Variants in KLHL8 observed in about 807,000 individuals in gnomAD.
KLHL8 encodes kelch-like protein 8.
Under a neutral mutation model 63.5 loss-of-function variants are expected in KLHL8, and 38 were observed. The observed-to-expected ratio is 0.60, with a 90% CI of 0.46 to 0.78. The LOEUF is 0.78. Among genes scored for constraint, KLHL8 ranks in the 30% least tolerant of loss-of-function variants. The pLI is 0.00. For missense variants in KLHL8, 566 were observed against 752.4 expected, an observed-to-expected ratio of 0.75 and a Z score of 2.90; for synonymous variants, 224 against 254.3, an observed-to-expected ratio of 0.88 and a Z score of 1.13.
chr4:87,228,285 T>A (rs564582692), intron 1 of KLHL8, among the ~76,000 whole-genome samples: 66 of 152,314 alleles, frequency 4.3e-4, no homozygotes, highest in Admixed American at 2.0e-3. Flanking sequence ...TTATTGAACC[T>A]ATGGGGGCCA....
At chr4:87,165,920 T>C (rs1370587483) in intron 8 of KLHL8, among the ~76,000 whole-genome samples, 1 of 152,088 alleles carries the variant, frequency 6.6e-6, no homozygotes, top group Non-Finnish European at 1.5e-5. Flanking sequence ...ATTTTTTTAA[T>C]GTTCAACCTG....
At chr4:87,192,124 T>C (rs1394031411) in intron 2 of KLHL8, among the ~76,000 whole-genome samples, 8 of 152,218 alleles carry the variant, frequency 5.3e-5, no homozygotes, top group Non-Finnish European at 1.2e-4. Flanking sequence ...TCTGGGTATA[T>C]ACCCACTAGG....
intron 2 of KLHL8, among the ~76,000 whole-genome samples, chr4:87,186,215 GTTTT>G (rs1578375471): frequency 6.6e-6 from 1 of 151,562 alleles, no homozygotes; most frequent in Non-Finnish European, 1.5e-5. Context: ...ATTTTTGTGG[GTTTT>G]GTTTTTTCAG....
chr4:87,235,936 A>G (rs749764108), intron 1 of KLHL8, among the ~76,000 whole-genome samples: 1 of 152,140 alleles, frequency 6.6e-6, no homozygotes, highest in African/African-American at 2.4e-5. Flanking sequence ...CGAAGGCGCC[A>G]TTGGAAACGT....
chr4:87,190,792 T>C (rs1173625430), intron 2 of KLHL8, among the ~76,000 whole-genome samples: 1 of 152,208 alleles, frequency 6.6e-6, no homozygotes, highest in Non-Finnish European at 1.5e-5. Context: ...CCATGTCTGG[T>C]AAGGACTTGC....
rs1205049174 is a variant in KLHL8, at chr4:87,185,439, A to G, written c.577T>C (p.Cys193Arg). The G allele has an allele frequency of 1.9e-6, 3 of 1,614,202 alleles. No homozygotes were observed. The highest frequency in any genetic ancestry group is 2.5e-6 in the Non-Finnish European group (3 of 1,180,020). Residue 193 changes from cysteine (C) to arginine (R), a missense_variant, in exon 3 of 10, where the codon TGT (cysteine) becomes CGT (arginine). Cys to Arg is a radical substitution (Grantham distance 180, BLOSUM62 -3). Transcript: ENST00000273963. ...DLMDMADQYA[C>R]DHFTEVVECE... ...TCCACTACTTCAGTAAAATGGTCACAGGCATACTGATCCGCCATGTCCATT... is the reference window on the plus strand; with the variant it reads ...TCCACTACTTCAGTAAAATGGTCACGGGCATACTGATCCGCCATGTCCATT...
At chr4:87,170,372 T>G (rs1245166514) in intron 7 of KLHL8, 75 bp downstream of exon 7, 1 of 1,464,312 alleles carries the variant, frequency 6.8e-7, no homozygotes, top group Non-Finnish European at 9.3e-7. Context: ...CTGGTGATGA[T>G]ATATTGGACC....
At chr4:87,197,041 T>TC (rs1731724036) in intron 1 of KLHL8, among the ~76,000 whole-genome samples, 2 of 152,224 alleles carry the variant, frequency 1.3e-5, no homozygotes, top group Non-Finnish European at 2.9e-5. Context: ...ATTGTTAATC[T>TC]CATCATTTCC....
At chr4:87,213,203 G>A (rs1339121391) in intron 1 of KLHL8, among the ~76,000 whole-genome samples, 1 of 152,148 alleles carries the variant, frequency 6.6e-6, no homozygotes, top group Non-Finnish European at 1.5e-5. Context: ...CTAGTATAAA[G>A]TATTAAAAGA....
chr4:87,170,006 A>T (rs1730574702), intron 8 of KLHL8, 73 bp downstream of exon 8: 1 of 1,195,578 alleles, frequency 8.4e-7, no homozygotes, highest in Non-Finnish European at 1.2e-6. Context: ...ATGCAATGTA[A>T]TTTTTGTTAC....
Position 87,170,255 on chromosome 4 carries a change from A to G in KLHL8, c.1378-17T>C. On this transcript the variant is annotated splice_polypyrimidine_tract_variant and intron_variant, in intron 7 of 9. Coordinates refer to ENST00000273963, the MANE Select transcript of KLHL8 (RefSeq NM_020803.5). ...AACATGGTTCTAAATGAAGAGAGTC[A>G]AACAAAACACATTAGATTTCGAATT... The G allele has an allele frequency of 6.3e-7, 1 of 1,597,672 alleles. No homozygotes were observed. Among genetic ancestry groups the G allele is most frequent in the Non-Finnish European group, 8.5e-7 (1 of 1,172,592 alleles).
intron 8 of KLHL8, chr4:87,167,490 T>A: frequency 1.9e-6 from 1 of 530,188 alleles, no homozygotes; most frequent in African/African-American, 1.9e-5. Flanking sequence ...AAGAGGAGGC[T>A]GGGAGCAATT....
At chr4:87,205,412 AAC>A (rs76100807) in intron 1 of KLHL8, among the ~76,000 whole-genome samples, 6,671 of 151,026 alleles carry the variant, frequency 0.044, 183 homozygotes, top group East Asian at 0.12. Context: ...GACTCAAGAA[AAC>A]ACACACACAC....
chr4:87,202,829 T>G (rs569243411), intron 1 of KLHL8, among the ~76,000 whole-genome samples: 1 of 152,262 alleles, frequency 6.6e-6, no homozygotes, highest in South Asian at 2.1e-4. Flanking sequence ...AACCTATGAC[T>G]CTGATACCAA....
rs1406915270 is a variant in KLHL8, at chr4:87,161,965, C to T, written c.*1554G>A. On this transcript the variant is annotated 3_prime_UTR_variant, in exon 10 of 10. Coordinates refer to ENST00000273963, the MANE Select transcript of KLHL8 (RefSeq NM_020803.5). ...GTTTGATATACTCAATAGGCACTGG[C>T]TTTTTTTTGTGATGTGGCTTTTTTT... The T allele has an allele frequency of 1.3e-5, 2 of 151,690 alleles. No homozygotes were observed. Among genetic ancestry groups the T allele is most frequent in the Admixed American group, 1.3e-4 (2 of 15,204 alleles). 9.4% of individuals were successfully genotyped at this position (151,690 alleles called of 1,614,324 possible).
intron 6 of KLHL8, among the ~76,000 whole-genome samples, chr4:87,171,100 C>G (rs1056982171): frequency 6.6e-6 from 1 of 152,020 alleles, no homozygotes; most frequent in East Asian, 1.9e-4. Context: ...TGTCACGTTG[C>G]TTTATTTCTG....
rs1340545650 is a variant in KLHL8 at position 87,161,446 on chromosome 4, C to T, written c.*2073G>A. On this transcript the variant is annotated 3_prime_UTR_variant, in exon 10 of 10. Transcript: ENST00000273963. The stretch of plus-strand genomic sequence containing the variant: ...TCATATTTTACGGGTAGGTAGGGTA[C>T]CAACTTAGTATGTTAGATAACCATT... 6.6e-6 allele frequency: 1 copy of T among 151,936 alleles called. No individual in the cohort carries two copies. The highest frequency in any genetic ancestry group is 1.5e-5 in the Non-Finnish European group (1 of 67,992). 9.4% of individuals were successfully genotyped at this position (151,936 alleles called of 1,614,324 possible). A position where few individuals can be genotyped will look rare whatever the true frequency, so the allele number is the denominator to read the frequency against.
rs182235035 is a variant in KLHL8, at chr4:87,203,462, G to A, written c.-151-7772C>T. On this transcript the variant is annotated intron_variant, in intron 1 of 9. Coordinates refer to ENST00000273963, the MANE Select transcript of KLHL8 (RefSeq NM_020803.5). ...GGAGAATGGCGTGAACCTGGGAGGC[G>A]GAGCTTGCAGTGAGCCAAAATGTGC... Among the ~76,000 whole-genome samples the A allele has an allele frequency of 4.9e-3, 740 of 151,450 alleles. 9 individuals carry two copies. The highest frequency in any genetic ancestry group is 0.016 in the African/African-American group (671 of 41,282).
intron 8 of KLHL8, among the ~76,000 whole-genome samples, chr4:87,169,875 A>G (rs947710119): frequency 1.8e-4 from 28 of 152,312 alleles, no homozygotes; most frequent in Admixed American, 5.9e-4. Context: ...TCTGAAAAAA[A>G]AAAAAACAAA....
Sources: gnomAD v4.1 joint callset for allele counts (sites outside exome capture counted in the v4.1 genomes callset) on GRCh38, gnomAD v4.1.1 for gene constraint, MANE v1.5 for transcripts, NCBI Gene and HGNC (gene_info 2026-07-23, HGNC 2026-07-21) for gene names.